Variants in LRRC72 observed in about 807,000 individuals in gnomAD.
LRRC72 encodes leucine rich repeat containing 72, also known as leucine-rich repeat-containing protein 72.
In LRRC72, 41 loss-of-function variants were observed where a neutral mutation model predicts 35.8. The observed-to-expected ratio is 1.15, with a 90% confidence interval of 0.89 to 1.49. The LOEUF (loss-of-function observed/expected upper bound fraction) is 1.49, where lower values mean the gene tolerates loss of function less well. Ranked by LOEUF, LRRC72 falls within the 40% of genes most tolerant of loss-of-function variation. The pLI is 0.00. For missense variants in LRRC72, 389 were observed against 330.7 expected (o/e 1.18, Z -1.37); for synonymous variants, 118 against 119.2 (o/e 0.99, Z 0.07).
At chr7:16,557,290 G>A in intron 3 of LRRC72, 70 bp from the exon 4 acceptor site, 1 of 398,838 alleles carries the variant, frequency 2.5e-6, no homozygotes, top group Non-Finnish European at 4.3e-6. Context: ...ATGTATATCA[G>A]GTTATTTATA....
intron 3 of LRRC72, among the ~76,000 whole-genome samples, chr7:16,546,370 G>A (rs1190227869): frequency 6.6e-6 from 1 of 151,952 alleles, no homozygotes; most frequent in Non-Finnish European, 1.5e-5. Context: ...AGTCTGTCCT[G>A]TGTATTTCAG....
chr7:16,566,912 C>T (rs556917409), intron 6 of LRRC72, among the ~76,000 whole-genome samples: 1 of 152,206 alleles, frequency 6.6e-6, no homozygotes, highest in South Asian at 2.1e-4. Context: ...CACAATCAAC[C>T]TCAGCATATT....
chr7:16,559,129 C>A, intron 5 of LRRC72, 130 bp downstream of exon 5: 1 of 538,526 alleles, frequency 1.9e-6, no homozygotes, highest in Non-Finnish European at 3.3e-6. Context: ...CACTGTGACT[C>A]ACGCCTGTAA....
chr7:16,581,306 A>T lies in LRRC72; in HGVS notation c.699-18A>T. The T allele has an allele frequency of 7.1e-7, 1 of 1,416,546 alleles. No homozygotes were observed. 87.7% of individuals were successfully genotyped at this position (1,416,546 alleles called of 1,614,324 possible). A position where few individuals can be genotyped will look rare whatever the true frequency, so the allele number is the denominator to read the frequency against. On this transcript the variant is annotated intron_variant, in intron 8 of 8. Coordinates refer to ENST00000401542, the MANE Select transcript of LRRC72 (RefSeq NM_001195280.2). ...TTTTGATTGCTTTTTTTCTGACATAATTGCTTTTTTTTTGCAGAACTGTGC... is the reference window on the plus strand; with the variant it reads ...TTTTGATTGCTTTTTTTCTGACATATTTGCTTTTTTTTTGCAGAACTGTGC...
At chr7:16,580,129 A>G in intron 8 of LRRC72, 28 bp downstream of exon 8, 1 of 354,336 alleles carries the variant, frequency 2.8e-6, no homozygotes. Context: ...TACATTTATT[A>G]TCAGATTATT....
chr7:16,549,668 A>G (rs1782514182), intron 3 of LRRC72, among the ~76,000 whole-genome samples: 1 of 152,342 alleles, frequency 6.6e-6, no homozygotes, highest in Admixed American at 6.5e-5. Flanking sequence ...GGGTGCATCA[A>G]GGTCATGAAT....
intron 7 of LRRC72, among the ~76,000 whole-genome samples, chr7:16,574,817 T>A (rs1404250410): frequency 2.0e-5 from 3 of 151,286 alleles, no homozygotes; most frequent in African/African-American, 7.3e-5. Flanking sequence ...ATATATATAT[T>A]TTATACTTGT....
chr7:16,565,675 G>T (rs1022191371), intron 5 of LRRC72, among the ~76,000 whole-genome samples: 4 of 152,124 alleles, frequency 2.6e-5, no homozygotes, highest in African/African-American at 7.2e-5. Flanking sequence ...CACTGCATTA[G>T]GAAGTGCGGT....
intron 7 of LRRC72, among the ~76,000 whole-genome samples, chr7:16,575,917 C>CCAG (rs1783032618): frequency 6.6e-6 from 1 of 152,168 alleles, no homozygotes; most frequent in Non-Finnish European, 1.5e-5. Context: ...TAGGGATCTA[C>CCAG]ATTTCTTTTG....
intron 3 of LRRC72, among the ~76,000 whole-genome samples, chr7:16,550,644 C>T (rs1330775576): frequency 2.0e-5 from 3 of 152,170 alleles, no homozygotes; most frequent in African/African-American, 4.8e-5. Context: ...TACTTATCAG[C>T]TTTTCTCTAA....
chr7:16,567,362 G>T (rs759493017), intron 6 of LRRC72, 29 bp from the exon 7 acceptor site: 279 of 1,339,618 alleles, frequency 2.1e-4, no homozygotes, highest in Non-Finnish European at 2.7e-4. Flanking sequence ...ATAATGTTAT[G>T]CAATAACATT....
chr7:16,527,202 A>C (rs774941054), intron 1 of LRRC72, among the ~76,000 whole-genome samples, 160 bp downstream of exon 1: 2 of 152,164 alleles, frequency 1.3e-5, no homozygotes, highest in African/African-American at 4.8e-5. Flanking sequence ...TGGTTAACAT[A>C]AAAGGAGAAC....
At chr7:16,569,742 A>G (rs1782910349) in intron 7 of LRRC72, among the ~76,000 whole-genome samples, 1 of 151,748 alleles carries the variant, frequency 6.6e-6, no homozygotes, top group South Asian at 2.1e-4. Context: ...TTTATTTGGG[A>G]AAAAGTGGCC....
At chr7:16,568,246 G>A (rs520485) in intron 7 of LRRC72, among the ~76,000 whole-genome samples, 97,395 of 152,020 alleles carry the variant, frequency 0.64, 32,959 homozygotes, top group African/African-American at 0.86. Context: ...GGTGGCTGGT[G>A]TACCCCCAAG....
In LRRC72 at chr7:16,548,035, C is replaced by G. The variant is rs372028123; in HGVS notation, c.235-9325C>G. On this transcript the variant is annotated intron_variant, in intron 3 of 8. Coordinates refer to ENST00000401542, the MANE Select transcript of LRRC72 (RefSeq NM_001195280.2). Reference sequence around the variant, plus strand: ...AACCAATCAGCAAGCACTTCCTCCCCTCTAAGGCCCATGAAATCCCTAAAC... The same window carrying G: ...AACCAATCAGCAAGCACTTCCTCCCGTCTAAGGCCCATGAAATCCCTAAAC... Among the ~76,000 whole-genome samples the G allele has an allele frequency of 8.5e-5, 13 of 152,320 alleles. No individual in the cohort carries two copies. The East Asian group carries it at 2.5e-3, about 29-fold the overall frequency.
intron 7 of LRRC72, among the ~76,000 whole-genome samples, 195 bp from the exon 8 acceptor site, chr7:16,579,879 C>A (rs912915843): frequency 2.0e-5 from 3 of 152,112 alleles, no homozygotes; most frequent in Non-Finnish European, 4.4e-5. Flanking sequence ...AGGCAAAACC[C>A]ACTATATCTA....
chr7:16,544,413 T>C (rs529261783), intron 3 of LRRC72, among the ~76,000 whole-genome samples: 1 of 152,322 alleles, frequency 6.6e-6, no homozygotes, highest in South Asian at 2.1e-4. Context: ...TATTCATTAG[T>C]GCTGCATCTC....
chr7:16,555,455 C>A (rs1433391131), intron 3 of LRRC72, among the ~76,000 whole-genome samples: 1 of 152,100 alleles, frequency 6.6e-6, no homozygotes, highest in African/African-American at 2.4e-5. Flanking sequence ...CATCAATGAG[C>A]AAAATATTTT....
chr7:16,560,876 T>C (rs1583647386), intron 5 of LRRC72, among the ~76,000 whole-genome samples: 2 of 152,274 alleles, frequency 1.3e-5, no homozygotes, highest in East Asian at 3.9e-4. Flanking sequence ...AATAATCATA[T>C]AGTAATATGT....
Sources: gnomAD v4.1 joint callset for allele counts (sites outside exome capture counted in the v4.1 genomes callset) on GRCh38, gnomAD v4.1.1 for gene constraint, MANE v1.5 for transcripts, NCBI Gene and HGNC (gene_info 2026-07-23, HGNC 2026-07-21) for gene names.